The following ZC3H12D variants were observed in gnomAD, a reference collection of about 807,000 sequenced individuals.
ZC3H12D encodes probable ribonuclease ZC3H12D.
A neutral mutation model predicts 24.2 loss-of-function variants in ZC3H12D; 11 were observed. The ratio of observed to expected loss-of-function variants is 0.46; its 90% confidence interval spans 0.29 to 0.75. The LOEUF is 0.75. Among genes scored for constraint, ZC3H12D ranks in the 30% least tolerant of loss-of-function variants. The pLI is 0.11. For synonymous variants in ZC3H12D, 333 were observed against 341.8 expected (o/e 0.97, Z 0.28); for missense variants, 740 against 767.7 (o/e 0.96, Z 0.43).
rs1026111591 is a variant in ZC3H12D at position 149,450,155 on chromosome 6, C to T, written c.*528G>A. 1 of 152,516 alleles carries T rather than the reference C, an allele frequency of 6.6e-6. No individual in the cohort carries two copies. Among genetic ancestry groups the T allele is most frequent in the African/African-American group, 2.4e-5 (1 of 41,432 alleles). The allele number at this position is 152,516 out of a possible 1,614,324, so 9.4% of individuals were successfully genotyped here. On this transcript the variant is annotated 3_prime_UTR_variant, in exon 6 of 6. Transcript: ENST00000409806. ...CCAGATAGCAAACCTCCCCTGGCCACCTGACTACATATTTCAAACATTACC... is the reference window on the plus strand; with the variant it reads ...CCAGATAGCAAACCTCCCCTGGCCATCTGACTACATATTTCAAACATTACC...
At chr6:149,459,252 A>G (rs1183291055) in intron 3 of ZC3H12D, among the ~76,000 whole-genome samples, 1 of 152,196 alleles carries the variant, frequency 6.6e-6, no homozygotes, top group Non-Finnish European at 1.5e-5. Flanking sequence ...GTTGAAATTC[A>G]CCATTCTTCA....
In ZC3H12D at chr6:149,451,008, C is replaced by T. The variant is rs750772060; in HGVS notation, c.1259G>A (p.Arg420Lys). 2 of 1,475,264 alleles carry T rather than the reference C, an allele frequency of 1.4e-6. No homozygotes were observed. Among genetic ancestry groups the T allele is most frequent in the South Asian group, 1.4e-5 (1 of 71,894 alleles). The allele number at this position is 1,475,264 out of a possible 1,614,324, so 91.4% of individuals were successfully genotyped here. Reference protein sequence around the residue: ...QLQPRGEHRPRDLHGDLLSPR... With the variant: ...QLQPRGEHRPKDLHGDLLSPR... The stretch of plus-strand genomic sequence containing the variant: ...GGAAAGCAAGTCGCCGTGCAGGTCC[C>T]TAGGGCGGTGTTCGCCCCGCGGCTG... Residue 420 changes from arginine (R) to lysine (K), a missense_variant, in exon 6 of 6, where the codon AGG becomes AAG. Arg to Lys is a conservative substitution (Grantham distance 26). Coordinates refer to ENST00000409806, the MANE Select transcript of ZC3H12D (RefSeq NM_207360.3).
intron 3 of ZC3H12D, chr6:149,459,754 A>G (rs1484088497): frequency 1.4e-5 from 10 of 715,080 alleles, no homozygotes; most frequent in Non-Finnish European, 2.6e-5. Context: ...GAATAAAACC[A>G]TCATCATTCT....
At chr6:149,467,076 T>C (rs1776175418) in intron 2 of ZC3H12D, among the ~76,000 whole-genome samples, 1 of 152,096 alleles carries the variant, frequency 6.6e-6, no homozygotes, top group African/African-American at 2.4e-5. Flanking sequence ...ACCTGGACCC[T>C]GGCAGAGCTC....
At chr6:149,484,548 G>T (rs1261462457) in intron 1 of ZC3H12D, among the ~76,000 whole-genome samples, 3 of 152,164 alleles carry the variant, frequency 2.0e-5, no homozygotes, top group Non-Finnish European at 4.4e-5. Flanking sequence ...ATGTCATCTG[G>T]AAATTAAGCA....
chr6:149,459,962 G>A (rs1365091493), intron 3 of ZC3H12D, among the ~76,000 whole-genome samples: 1 of 152,248 alleles, frequency 6.6e-6, no homozygotes, highest in Non-Finnish European at 1.5e-5. Flanking sequence ...GACCACGTGT[G>A]TGACAGTGGT....
At chr6:149,483,806 C>T (rs1174892829) in intron 1 of ZC3H12D, among the ~76,000 whole-genome samples, 3 of 152,096 alleles carry the variant, frequency 2.0e-5, no homozygotes, top group Non-Finnish European at 2.9e-5. Context: ...CCTCCCTGGC[C>T]CCACAAAGTG....
chr6:149,476,171 A>G (rs1021009078), intron 1 of ZC3H12D, among the ~76,000 whole-genome samples: 1 of 152,178 alleles, frequency 6.6e-6, no homozygotes, highest in Non-Finnish European at 1.5e-5. Flanking sequence ...AAATGGTGTC[A>G]TCTTATACTT....
At chr6:149,469,671 C>G (rs1199055174) in intron 2 of ZC3H12D, among the ~76,000 whole-genome samples, 1 of 152,194 alleles carries the variant, frequency 6.6e-6, no homozygotes, top group Non-Finnish European at 1.5e-5. Context: ...AACACACACA[C>G]AGCCCTACCT....
At chr6:149,482,057 C>A (rs1168890690) in intron 1 of ZC3H12D, among the ~76,000 whole-genome samples, 1 of 152,238 alleles carries the variant, frequency 6.6e-6, no homozygotes, top group Non-Finnish European at 1.5e-5. Flanking sequence ...GGGGCAGCTC[C>A]CCTAGGGGCC....
Position 149,451,291 on chromosome 6 carries a change from A to G in ZC3H12D, c.976T>C (p.Phe326Leu). Residue 326 changes from phenylalanine (F) to leucine (L), a missense_variant, in exon 6 of 6, where the codon TTT (phenylalanine) becomes CTT (leucine). Phe to Leu is a conservative substitution (Grantham distance 22). Transcript: ENST00000409806. The part of the protein sequence containing the change: ...AGARAAPREP[F>L]AHSLPPARGS... The stretch of plus-strand genomic sequence containing the variant: ...CGCGCCGGCGGGAGGCTGTGCGCAA[A>G]TGGTTCCCGGGGGGCCGCCCGGGCT... 3 of 1,315,356 alleles carry G rather than the reference A, an allele frequency of 2.3e-6. No individual in the cohort carries two copies. Among genetic ancestry groups the G allele is most frequent in the Non-Finnish European group, 2.9e-6 (3 of 1,041,180 alleles). The allele number at this position is 1,315,356 out of a possible 1,614,324, so 81.5% of individuals were successfully genotyped here.
chr6:149,466,931 T>TAAAAA (rs1554269723), intron 2 of ZC3H12D, among the ~76,000 whole-genome samples: 1 of 123,734 alleles, frequency 8.1e-6, no homozygotes, highest in Non-Finnish European at 1.8e-5. Flanking sequence ...TAAAATAAAA[T>TAAAAA]AAAAAAGCTG....
In ZC3H12D at chr6:149,474,387, G is replaced by T. The variant is rs1377177462; in HGVS notation, c.157C>A (p.Pro53Thr). The T allele has an allele frequency of 1.2e-6, 2 of 1,608,124 alleles. No individual in the cohort carries two copies. Among genetic ancestry groups the T allele is most frequent in the African/African-American group, 1.3e-5 (1 of 74,970 alleles). Reference sequence around the variant, plus strand: ...CGAGGCACTAGCCTGGGTGCAGCCGGGTGCTCCAGGGCACCCGGGCGGCTG... The same window carrying T: ...CGAGGCACTAGCCTGGGTGCAGCCGTGTGCTCCAGGGCACCCGGGCGGCTG... ...TGSRPGALEH[P>T]AAPRLVPRGS... Residue 53 changes from proline (P) to threonine (T), a missense_variant, in exon 2 of 6, where the codon CCG (proline) becomes ACG (threonine). By Grantham distance (38) the Pro-to-Thr change is conservative. Transcript: ENST00000409806.
At position 149,447,034 on chromosome 6, in the gene ZC3H12D, C is replaced by A. The variant is rs1775789657; in HGVS notation, c.*3649G>T. The A allele has an allele frequency of 6.6e-6, 1 of 152,188 alleles. No homozygotes were observed. The highest frequency in any genetic ancestry group is 2.4e-5 in the African/African-American group (1 of 41,432). 9.4% of individuals were successfully genotyped at this position (152,188 alleles called of 1,614,324 possible). ...GCTTCTATGAGATGGCTTCATAGTT[C>A]TATAATGAGGATTTTAGAAGTCTAG... On this transcript the variant is annotated 3_prime_UTR_variant, in exon 6 of 6. Transcript: ENST00000409806.
At chr6:149,465,691 G>T (rs1033743104) in intron 2 of ZC3H12D, among the ~76,000 whole-genome samples, 2 of 151,278 alleles carry the variant, frequency 1.3e-5, no homozygotes, top group African/African-American at 4.9e-5. Flanking sequence ...GGAGGTGGAG[G>T]TCACAGTGAG....
intron 1 of ZC3H12D, among the ~76,000 whole-genome samples, chr6:149,482,249 G>T (rs1776439141): frequency 6.6e-6 from 1 of 152,378 alleles, no homozygotes; most frequent in Admixed American, 6.5e-5. Context: ...GCGGGGACAG[G>T]AGTGGGGTGC....
Position 149,450,701 on chromosome 6 carries a change from C to G in ZC3H12D, c.1566G>C (p.Ala522=). 6.5e-7 allele frequency: 1 copy of G among 1,533,276 alleles called. No individual in the cohort carries two copies. The highest frequency in any genetic ancestry group is 8.8e-7 in the Non-Finnish European group (1 of 1,137,662). 95.0% of individuals were successfully genotyped at this position (1,533,276 alleles called of 1,614,324 possible). ...LLVQRCQSAG[A]PLGKP is the part of the protein sequence containing the mutation. ...TGGTCCCTTAGGGCTTGCCCAGGGG[C>G]GCCCCCGCGCTCTGGCATCTCTGTA... Residue 522 remains alanine (A), a synonymous_variant, in exon 6 of 6, where the codon GCG becomes GCC. Coordinates refer to ENST00000409806, the MANE Select transcript of ZC3H12D (RefSeq NM_207360.3).
chr6:149,470,479 G>C (rs1263032427), intron 2 of ZC3H12D, among the ~76,000 whole-genome samples: 1 of 151,838 alleles, frequency 6.6e-6, no homozygotes, highest in Non-Finnish European at 1.5e-5. Context: ...AGGTTGCAGA[G>C]AGCCGAGATT....
chr6:149,468,960 A>G (rs949151149), intron 2 of ZC3H12D, among the ~76,000 whole-genome samples: 1 of 152,196 alleles, frequency 6.6e-6, no homozygotes, highest in Non-Finnish European at 1.5e-5. Context: ...GTAAAAATGT[A>G]AACAACAGCC....
Sources: gnomAD v4.1 joint callset for allele counts (sites outside exome capture counted in the v4.1 genomes callset) on GRCh38, gnomAD v4.1.1 for gene constraint, MANE v1.5 for transcripts, NCBI Gene and HGNC (gene_info 2026-07-23, HGNC 2026-07-21) for gene names.